The following ADCY5 variants were observed in gnomAD, a reference collection of about 807,000 sequenced individuals.
ADCY5 encodes the protein adenylate cyclase type 5.
Under a neutral mutation model 119.7 loss-of-function variants are expected in ADCY5, and 30 were observed. The ratio of observed to expected loss-of-function variants is 0.25; its 90% CI spans 0.19 to 0.34. ADCY5 has a LOEUF of 0.34. Ranked by LOEUF, ADCY5 falls within the 10% of genes least tolerant of loss-of-function variation. The pLI is 1.00. For synonymous variants in ADCY5, 753 were observed against 762.2 expected (o/e 0.99, Z 0.20); for missense variants, 1,324 against 1,775.2 (o/e 0.75, Z 4.57).
chr3:123,366,313 A>G (rs1311709544), intron 1 of ADCY5, among the ~76,000 whole-genome samples: 1 of 152,214 alleles, frequency 6.6e-6, no homozygotes, highest in Non-Finnish European at 1.5e-5. Flanking sequence ...CTTGCAGAAT[A>G]TCAAACTGCT....
rs1162384740 is a variant in ADCY5 at position 123,304,078 on chromosome 3, A to G, written c.2548T>C (p.Phe850Leu). ...FTITLVFLAA[F>L]VNMFTCNSRD... ...GTGCAGCCACCCACCATGTTGACAAAAGCCGCCAGGAACACCAGGGTGATG... is the reference window on the plus strand; with the variant it reads ...GTGCAGCCACCCACCATGTTGACAAGAGCCGCCAGGAACACCAGGGTGATG... Residue 850 changes from phenylalanine to leucine, a missense_variant, in exon 13 of 21, where the codon TTT (phenylalanine) becomes CTT (leucine). Transcript: ENST00000462833. 3 of 1,612,632 alleles carry G rather than the reference A, an allele frequency of 1.9e-6. No homozygotes were observed. The Admixed American group carries it at 5.0e-5, about 27-fold the overall frequency.
Position 123,289,690 on chromosome 3 carries a change from C to T in ADCY5, c.3532+60G>A, listed in dbSNP as rs1939016749. ...GATGCGGTATGGGGTATGGGGGAGCCCCTGCCAGCCCTCTGCCTGACTGCA... is the reference window on the plus strand; with the variant it reads ...GATGCGGTATGGGGTATGGGGGAGCTCCTGCCAGCCCTCTGCCTGACTGCA... On this transcript the variant is annotated intron_variant, in intron 19 of 20. Transcript: ENST00000462833. 4 of 1,583,242 alleles carry T rather than the reference C, an allele frequency of 2.5e-6. No individual in the cohort carries two copies. The Admixed American group carries it at 6.7e-5, about 26-fold the overall frequency.
chr3:123,297,419 C>T, intron 15 of ADCY5, 37 bp from the exon 16 acceptor site: 1 of 1,610,568 alleles, frequency 6.2e-7, no homozygotes, highest in Non-Finnish European at 8.5e-7. Flanking sequence ...TCAGGGCCAC[C>T]CTTCTGCATA....
chr3:123,380,798 T>C (rs972712478), intron 1 of ADCY5, among the ~76,000 whole-genome samples: 6 of 152,210 alleles, frequency 3.9e-5, no homozygotes, highest in Admixed American at 1.3e-4. Context: ...ATCAACATCA[T>C]TACCGCTGAG....
intron 3 of ADCY5, among the ~76,000 whole-genome samples, chr3:123,335,932 A>G (rs896628441): frequency 2.6e-5 from 4 of 152,228 alleles, no homozygotes; most frequent in African/African-American, 9.6e-5. Flanking sequence ...GACAGGGACA[A>G]GAGATGGAAC....
chr3:123,286,712 G>A lies in ADCY5; in HGVS notation c.3630C>T (p.Asp1210=), dbSNP rs150164904. ...GNTVNVASRM[D]STGVPDRIQV... ...GGATGCGGTCGGGTACACCGGTGCT[G>A]TCCATGCGGCTGGCCACGTTCACGG... Residue 1210 remains aspartate (D), a synonymous_variant, in exon 20 of 21, where the codon GAC becomes GAT. Transcript: ENST00000462833. This position sits in a 1 kb window ranked among gnomAD's most constrained non-coding sequence, Gnocchi z 4.2. 8 of 1,613,340 alleles carry A rather than the reference G, an allele frequency of 5.0e-6. No individual in the cohort carries two copies. Among genetic ancestry groups the A allele is most frequent in the East Asian group, 2.2e-5 (1 of 44,870 alleles).
At chr3:123,297,513 A>G in intron 15 of ADCY5, 131 bp from the exon 16 acceptor site, 1 of 1,010,826 alleles carries the variant, frequency 9.9e-7, no homozygotes, top group South Asian at 1.3e-5. Context: ...AGCCCCATTC[A>G]CCCTCCATAT....
chr3:123,358,155 C>CGTGTGTGTGT (rs6148049), intron 1 of ADCY5, among the ~76,000 whole-genome samples: 9,982 of 140,704 alleles, frequency 0.071, 453 homozygotes, highest in East Asian at 0.15. Context: ...ACATGGAACA[C>CGTGTGTGTGT]GTGTGTGTGT....
chr3:123,339,961 T>G (rs1006746894), intron 3 of ADCY5, among the ~76,000 whole-genome samples: 2 of 152,224 alleles, frequency 1.3e-5, no homozygotes, highest in Non-Finnish European at 2.9e-5. Flanking sequence ...TTTCCAATTT[T>G]TCTACAAAGA....
chr3:123,314,874 A>C (rs547102073), intron 11 of ADCY5, among the ~76,000 whole-genome samples: 2 of 149,990 alleles, frequency 1.3e-5, no homozygotes, highest in South Asian at 4.2e-4. Context: ...AGAATCTCTA[A>C]GCGCCACCCC....
chr3:123,301,759 T>G (rs911015327), intron 14 of ADCY5, among the ~76,000 whole-genome samples: 2 of 152,226 alleles, frequency 1.3e-5, no homozygotes, highest in African/African-American at 4.8e-5. Flanking sequence ...CCTCTGCTCC[T>G]CATAAACAGC....
chr3:123,374,915 C>T (rs1469245259), intron 1 of ADCY5, among the ~76,000 whole-genome samples: 1 of 152,236 alleles, frequency 6.6e-6, no homozygotes, highest in Non-Finnish European at 1.5e-5. Flanking sequence ...TTATGGGGCA[C>T]ATGATGAGCT....
chr3:123,382,113 A>G (rs971299973), intron 1 of ADCY5, among the ~76,000 whole-genome samples: 2 of 152,124 alleles, frequency 1.3e-5, no homozygotes, highest in African/African-American at 4.8e-5. Flanking sequence ...TTCCCACCCC[A>G]GGGCCTTTGA....
chr3:123,351,417 CA>C (rs1942832294), intron 2 of ADCY5, among the ~76,000 whole-genome samples: 1 of 152,224 alleles, frequency 6.6e-6, no homozygotes, highest in African/African-American at 2.4e-5. Context: ...CCCCCACACT[CA>C]AAGGCAGACC....
chr3:123,301,129 C>T (rs1341035019), intron 14 of ADCY5, among the ~76,000 whole-genome samples: 1 of 151,012 alleles, frequency 6.6e-6, no homozygotes, highest in African/African-American at 2.5e-5. Flanking sequence ...CTGCTGCTGT[C>T]CCTTGATGCA....
intron 1 of ADCY5, among the ~76,000 whole-genome samples, chr3:123,369,963 C>G (rs1194905701): frequency 6.6e-6 from 1 of 152,186 alleles, no homozygotes; most frequent in Non-Finnish European, 1.5e-5. Flanking sequence ...GAAGGGTGAC[C>G]AGAATTGGCA....
At chr3:123,332,001 TA>T (rs1941786985) in intron 4 of ADCY5, among the ~76,000 whole-genome samples, 1 of 152,078 alleles carries the variant, frequency 6.6e-6, no homozygotes, top group Admixed American at 6.5e-5. Flanking sequence ...TGGGAAAGGA[TA>T]ATGGAGGGGT....
Position 123,325,416 on chromosome 3 carries a change from T to C in ADCY5, c.1994A>G (p.Asn665Ser). The C allele has an allele frequency of 6.2e-7, 1 of 1,614,048 alleles. No individual in the cohort carries two copies. The highest frequency in any genetic ancestry group is 8.5e-7 in the Non-Finnish European group (1 of 1,179,980). The change falls in exon 8 of 21, where the codon AAC (asparagine) becomes AGC (serine). Residue 665 changes from asparagine (N) to serine (S), a missense_variant. Transcript: ENST00000462833. ...GTGTGGTGGGTTGTGCCCGATGGAG[T>C]TGGTTCTCTGGCGGTTCATCTTGGC... ...MIAKMNRQRTNSIGHNPPHWG... is the reference protein window; with the variant it reads ...MIAKMNRQRTSSIGHNPPHWG...
chr3:123,402,777 C>T (rs1234425630), intron 1 of ADCY5, among the ~76,000 whole-genome samples: 6 of 150,628 alleles, frequency 4.0e-5, no homozygotes, highest in Non-Finnish European at 7.4e-5. Context: ...GGCGTGAACC[C>T]GGGAGGCGGA....
Sources: gnomAD v4.1 joint callset for allele counts (sites outside exome capture counted in the v4.1 genomes callset) on GRCh38, gnomAD v4.1.1 for gene constraint, Gnocchi (gnomAD v3.1) non-coding constraint, MANE v1.5 for transcripts, NCBI Gene and HGNC (gene_info 2026-07-23, HGNC 2026-07-21) for gene names.